CHRM3: variants seen among roughly 807,000 people sequenced by gnomAD.
The protein encoded by CHRM3 is cholinergic receptor muscarinic 3.
In CHRM3, 11 loss-of-function variants were observed where a neutral mutation model predicts 41.8. The ratio of observed to expected loss-of-function variants is 0.26; its 90% confidence interval spans 0.17 to 0.44. The LOEUF (loss-of-function observed/expected upper bound fraction) is 0.44. CHRM3 is among the 20% of genes least tolerant of loss of function. The pLI is 1.00. For synonymous variants in CHRM3, 297 were observed against 301.4 expected (o/e 0.99, Z 0.15); for missense variants, 571 against 745.4 (o/e 0.77, Z 2.72).
chr1:239,479,395 G>A (rs1666680909), intron 1 of CHRM3, among the ~76,000 whole-genome samples: 1 of 152,188 alleles, frequency 6.6e-6, no homozygotes, highest in Non-Finnish European at 1.5e-5. Flanking sequence ...CACATCATTA[G>A]TAGGCGAACA....
At chr1:239,842,668 A>G (rs2149173344) in intron 6 of CHRM3, among the ~76,000 whole-genome samples, 1 of 152,338 alleles carries the variant, frequency 6.6e-6, no homozygotes. Flanking sequence ...TATATCAGGT[A>G]TTCAAGTGTC....
At chr1:239,704,689 T>C (rs895746650) in intron 5 of CHRM3, 1 of 152,182 alleles carries the variant, frequency 6.6e-6, no homozygotes, top group Non-Finnish European at 1.5e-5. Context: ...GGCTTATTTA[T>C]TGCCAGAAGA....
At chr1:239,543,099 C>G (rs898844156) in intron 2 of CHRM3, among the ~76,000 whole-genome samples, 1 of 152,164 alleles carries the variant, frequency 6.6e-6, no homozygotes, top group African/African-American at 2.4e-5. Flanking sequence ...GACTGGTTGT[C>G]TCAGTTATCT....
At chr1:239,445,075 T>A (rs1051212075) in intron 1 of CHRM3, among the ~76,000 whole-genome samples, 1 of 152,334 alleles carries the variant, frequency 6.6e-6, no homozygotes, top group East Asian at 1.9e-4. Flanking sequence ...TAATGAATGA[T>A]AATCCAATTG....
intron 4 of CHRM3, among the ~76,000 whole-genome samples, chr1:239,658,322 A>G (rs1297825169): frequency 6.6e-6 from 1 of 152,226 alleles, no homozygotes; most frequent in Admixed American, 6.5e-5. Flanking sequence ...CATAATAACT[A>G]GTAGGTTGAA....
In CHRM3 at chr1:239,386,690, GAA is replaced by G. The variant is rs913092344; in HGVS notation, c.-1055_-1054del. The G allele has an allele frequency of 2.0e-5, 3 of 152,516 alleles. No homozygotes were observed. Among genetic ancestry groups the G allele is most frequent in the African/African-American group, 7.2e-5 (3 of 41,440 alleles). 9.4% of individuals were successfully genotyped at this position (152,516 alleles called of 1,614,324 possible). On this transcript the variant is annotated 5_prime_UTR_variant, in exon 1 of 7. Transcript: ENST00000676153. ...AGGCAGAGGAAGAGTTCGTGGGGAGGAAAAGACCTCTCCTCCCCCTTGGAGCG... is the reference window on the plus strand; with the variant it reads ...AGGCAGAGGAAGAGTTCGTGGGGAGGAAGACCTCTCCTCCCCCTTGGAGCG...
At chr1:239,679,628 C>A in intron 5 of CHRM3, among the ~76,000 whole-genome samples, 1 of 152,096 alleles carries the variant, frequency 6.6e-6, no homozygotes, top group East Asian at 1.9e-4. Context: ...CTGTGAGAGT[C>A]TGAAATCCAT....
rs998335334 is a variant in CHRM3 at position 239,524,515 on chromosome 1, A to C, written c.-421-21126A>C. The stretch of plus-strand genomic sequence containing the variant: ...GGTTAGTTAACTACATATGCAACTA[A>C]AATTGGATAAATGTAATTAAGAAAA... On this transcript the variant is annotated intron_variant, in intron 2 of 6. Transcript: ENST00000676153. Among the ~76,000 whole-genome samples, 5 of 152,156 alleles carry C rather than the reference A, an allele frequency of 3.3e-5. No homozygotes were observed. The South Asian group carries it at 1.0e-3, about 32-fold the overall frequency.
chr1:239,828,663 G>A (rs190510889), intron 6 of CHRM3, among the ~76,000 whole-genome samples: 83 of 152,270 alleles, frequency 5.5e-4, no homozygotes, highest in African/African-American at 1.7e-3. Flanking sequence ...ATGCAGAACG[G>A]ACAGAGAACA....
chr1:239,840,911 G>A (rs899582636), intron 6 of CHRM3, among the ~76,000 whole-genome samples: 3 of 152,114 alleles, frequency 2.0e-5, no homozygotes, highest in African/African-American at 7.2e-5. Flanking sequence ...CAGCACTCTG[G>A]CATGTGAAGT....
rs543868905 is a variant in CHRM3, at chr1:239,482,831, G to A, written c.-520-9878G>A. Reference sequence around the variant, plus strand: ...GTAAATATTTGTCAAATGATTGAATGAATAATATGATAAGAATTTATGGTA... The same window carrying A: ...GTAAATATTTGTCAAATGATTGAATAAATAATATGATAAGAATTTATGGTA... On this transcript the variant is annotated intron_variant, in intron 1 of 6. Transcript: ENST00000676153. 1.0e-3 allele frequency among the ~76,000 whole-genome samples: 152 copies of A among 152,304 alleles called. 1 individual carries two copies. Among genetic ancestry groups the A allele is most frequent in the African/African-American group, 3.6e-3 (149 of 41,566 alleles).
chr1:239,536,141 A>T (rs1248670872), intron 2 of CHRM3, among the ~76,000 whole-genome samples: 1 of 152,124 alleles, frequency 6.6e-6, no homozygotes, highest in Non-Finnish European at 1.5e-5. Context: ...ACAACATTGA[A>T]TTTATGTGGC....
intron 4 of CHRM3, among the ~76,000 whole-genome samples, chr1:239,676,041 G>C (rs561945282): frequency 1.4e-4 from 21 of 152,188 alleles, no homozygotes; most frequent in Admixed American, 1.4e-3. Flanking sequence ...TGCTTTCCCC[G>C]CATATCCATG....
intron 5 of CHRM3, among the ~76,000 whole-genome samples, chr1:239,765,870 G>T (rs764677564): frequency 6.7e-6 from 1 of 149,748 alleles, no homozygotes; most frequent in Non-Finnish European, 1.5e-5. Flanking sequence ...AGGCTGGAGT[G>T]CAATGGTGTA....
intron 1 of CHRM3, among the ~76,000 whole-genome samples, chr1:239,417,004 T>C (rs1317515462): frequency 1.3e-5 from 2 of 152,144 alleles, no homozygotes; most frequent in African/African-American, 4.8e-5. Context: ...GGGATCCATT[T>C]GTAGGATGGA....
At chr1:239,815,883 TGC>T (rs1281643293) in intron 5 of CHRM3, among the ~76,000 whole-genome samples, 4 of 152,222 alleles carry the variant, frequency 2.6e-5, no homozygotes, top group African/African-American at 9.6e-5. Flanking sequence ...AGATGAATGA[TGC>T]GCAGTGACAG....
At chr1:239,505,081 G>T (rs1477915955) in intron 2 of CHRM3, among the ~76,000 whole-genome samples, 1 of 151,998 alleles carries the variant, frequency 6.6e-6, no homozygotes, top group East Asian at 1.9e-4. Flanking sequence ...AGTTTAATAA[G>T]AACTAAAAAC....
chr1:239,672,350 A>C (rs994884282), intron 4 of CHRM3, among the ~76,000 whole-genome samples: 1 of 152,120 alleles, frequency 6.6e-6, no homozygotes, highest in African/African-American at 2.4e-5. Flanking sequence ...GCTTCAGAAA[A>C]GGCCTCCTTG....
intron 4 of CHRM3, among the ~76,000 whole-genome samples, chr1:239,667,511 C>A (rs1459557097): frequency 6.6e-6 from 1 of 152,170 alleles, no homozygotes; most frequent in Non-Finnish European, 1.5e-5. Flanking sequence ...TCAACACTCT[C>A]AGCTGTGGAC....
Sources: allele counts gnomAD v4.1 joint callset (sites outside exome capture counted in the v4.1 genomes callset), GRCh38; gene constraint gnomAD v4.1.1; transcripts MANE v1.5; gene names NCBI Gene and HGNC (gene_info 2026-07-23, HGNC 2026-07-21).